CUX1: variants seen among roughly 807,000 people sequenced by gnomAD.
CUX1 encodes the protein protein CASP.
CUX1 carries 31 observed loss-of-function variants against 158.8 expected under a neutral mutation model. The observed-to-expected ratio is 0.20, with a 90% CI of 0.15 to 0.26. The LOEUF (loss-of-function observed/expected upper bound fraction) is 0.26. CUX1 is among the 10% of genes least tolerant of loss of function. CUX1 has a pLI of 1.00. For synonymous variants in CUX1, 879 were observed against 862.1 expected (o/e 1.02, Z -0.34); for missense variants, 1,589 against 2,014.6 (o/e 0.79, Z 4.04).
At chr7:101,868,551 G>A (rs1234718001) in intron 1 of CUX1, among the ~76,000 whole-genome samples, 1 of 152,236 alleles carries the variant, frequency 6.6e-6, no homozygotes, top group Non-Finnish European at 1.5e-5. Context: ...GCCCTGGGAT[G>A]GAACAGCCAC....
intron 5 of CUX1, among the ~76,000 whole-genome samples, chr7:102,103,599 C>G (rs566837350): frequency 1.1e-4 from 17 of 152,252 alleles, no homozygotes; most frequent in Admixed American, 9.2e-4. Flanking sequence ...CCACGTCCAG[C>G]TAATTCTTGC....
chr7:101,859,350 C>T (rs767592171), intron 1 of CUX1, among the ~76,000 whole-genome samples: 4 of 152,174 alleles, frequency 2.6e-5, no homozygotes, highest in Non-Finnish European at 4.4e-5. Context: ...TGACCGTATC[C>T]GGGGCTGAAC....
At chr7:101,932,277 T>A in intron 2 of CUX1, 1 of 190,632 alleles carries the variant, frequency 5.2e-6, no homozygotes, top group East Asian at 1.4e-4. Context: ...ATTGGCTGTT[T>A]GGTTTGTCTG....
intron 8 of CUX1, among the ~76,000 whole-genome samples, chr7:102,143,803 C>T (rs952138902): frequency 3.3e-5 from 5 of 151,538 alleles, no homozygotes; most frequent in African/African-American, 7.3e-5. Context: ...TTGTTTGAGA[C>T]GGAGTCTCAA....
upstream of CUX1, chr7:101,816,890 C>A (rs1445837475): frequency 1.0e-5 from 10 of 979,790 alleles, no homozygotes; most frequent in Admixed American, 2.5e-4. Context: ...CGCCGCCGCT[C>A]CGGCACCCCG....
chr7:102,052,808 G>A (rs1276987295), intron 3 of CUX1, among the ~76,000 whole-genome samples: 9 of 152,010 alleles, frequency 5.9e-5, no homozygotes, highest in Admixed American at 1.3e-4. Flanking sequence ...CTAACACTTA[G>A]TATCATCTTT....
intron 1 of CUX1, among the ~76,000 whole-genome samples, chr7:101,834,982 C>CGA (rs1554386057): frequency 1.3e-5 from 2 of 148,984 alleles, no homozygotes; most frequent in Non-Finnish European, 3.0e-5. Context: ...GGTGACAGAG[C>CGA]GAGACTCTGT....
chr7:101,827,244 CCTTCT>C (rs538996031), intron 1 of CUX1, among the ~76,000 whole-genome samples: 20,175 of 129,654 alleles, frequency 0.16, 1,603 homozygotes, highest in African/African-American at 0.18. Flanking sequence ...CCCCTCCCCT[CCTTCT>C]CTTCTCTTCT....
intron 2 of CUX1, among the ~76,000 whole-genome samples, chr7:102,010,768 G>A (rs1172083756): frequency 2.0e-5 from 3 of 152,182 alleles, no homozygotes; most frequent in Admixed American, 1.3e-4. Flanking sequence ...AAAAGATGCC[G>A]GTTGTGCTTT....
chr7:102,082,429 C>G (rs1465385399), intron 4 of CUX1, among the ~76,000 whole-genome samples: 3 of 146,692 alleles, frequency 2.0e-5, no homozygotes, highest in South Asian at 2.2e-4. Flanking sequence ...AGGAGGCTGA[C>G]GCAGGAGAAT....
chr7:101,962,961 T>A lies in CUX1; in HGVS notation c.141+46736T>A, dbSNP rs146097133. On this transcript the variant is annotated intron_variant, in intron 2 of 23. Transcript: ENST00000292535. ...GACTCAAACTCCTGGCCTCAAGTGATCCTCCTCCCAAAGTGCTGGGATTCC... is the reference window on the plus strand; with the variant it reads ...GACTCAAACTCCTGGCCTCAAGTGAACCTCCTCCCAAAGTGCTGGGATTCC... Among the ~76,000 whole-genome samples, 262 of 152,286 alleles carry A rather than the reference T, an allele frequency of 1.7e-3. 2 individuals are homozygous for A. Among genetic ancestry groups the A allele is most frequent in the Admixed American group, 3.5e-3 (53 of 15,286 alleles).
At position 102,247,634 on chromosome 7, in the gene CUX1, G is replaced by C. The variant is rs193010966; in HGVS notation, c.3888-778G>C. On this transcript the variant is annotated intron_variant, in intron 23 of 23. Coordinates refer to ENST00000292535, the MANE Select transcript of CUX1 (RefSeq NM_181552.4). ...AGCCCAGGAGCTCAAGACTAGCCTG[G>C]GCAACATGGCAAGACTCCATCTCTT... Among the ~76,000 whole-genome samples the C allele has an allele frequency of 9.9e-5, 15 of 152,178 alleles. No homozygotes were observed. The East Asian group carries it at 2.9e-3, about 29-fold the overall frequency.
chr7:101,879,548 A>G (rs940374689), intron 1 of CUX1, among the ~76,000 whole-genome samples: 1 of 151,990 alleles, frequency 6.6e-6, no homozygotes, highest in African/African-American at 2.4e-5. Flanking sequence ...TGGTCTTACC[A>G]TTGCTCCAGT....
At chr7:101,848,298 T>C (rs1163106129) in intron 1 of CUX1, among the ~76,000 whole-genome samples, 1 of 152,124 alleles carries the variant, frequency 6.6e-6, no homozygotes, top group Admixed American at 6.6e-5. Context: ...CCCAGCTCAG[T>C]TGGCATAATG....
chr7:102,124,875 G>A (rs2131237178), intron 8 of CUX1, among the ~76,000 whole-genome samples: 1 of 151,694 alleles, frequency 6.6e-6, no homozygotes, highest in African/African-American at 2.4e-5. Flanking sequence ...TCCGCCTCCT[G>A]GGTTCAAGCA....
At chr7:101,833,829 G>C (rs1794326265) in intron 1 of CUX1, among the ~76,000 whole-genome samples, 2 of 152,116 alleles carry the variant, frequency 1.3e-5, no homozygotes, top group Non-Finnish European at 2.9e-5. Context: ...GTGTTAGGAG[G>C]AGGCGATTTT....
At chr7:101,971,635 A>G (rs2129193652) in intron 2 of CUX1, among the ~76,000 whole-genome samples, 1 of 152,346 alleles carries the variant, frequency 6.6e-6, no homozygotes, top group East Asian at 1.9e-4. Flanking sequence ...AAAAAGGGCA[A>G]CCAGATAAGT....
intron 10 of CUX1, among the ~76,000 whole-genome samples, chr7:102,177,945 T>C (rs545626334): frequency 6.6e-6 from 1 of 152,176 alleles, no homozygotes; most frequent in Non-Finnish European, 1.5e-5. Flanking sequence ...CAGGCTGAAG[T>C]GCAGTGGTAC....
intron 2 of CUX1, among the ~76,000 whole-genome samples, chr7:101,977,738 T>G (rs1322871799): frequency 6.6e-6 from 1 of 152,114 alleles, no homozygotes; most frequent in Non-Finnish European, 1.5e-5. Context: ...ACCACTGCAC[T>G]CTAGCCTGGG....
Sources: gnomAD v4.1 joint callset for allele counts (sites outside exome capture counted in the v4.1 genomes callset) on GRCh38, gnomAD v4.1.1 for gene constraint, MANE v1.5 for transcripts, NCBI Gene and HGNC (gene_info 2026-07-23, HGNC 2026-07-21) for gene names.